The following ABCD3 variants were observed in gnomAD, a reference collection of about 807,000 sequenced individuals.
ABCD3 encodes ATP binding cassette subfamily D member 3, also known as ATP-binding cassette sub-family D member 3.
A neutral mutation model predicts 105.5 loss-of-function variants in ABCD3; 41 were observed. The ratio of observed to expected loss-of-function variants is 0.39; its 90% confidence interval spans 0.30 to 0.50. The LOEUF (loss-of-function observed/expected upper bound fraction) is 0.50. Ranked by LOEUF, ABCD3 falls within the 20% of genes least tolerant of loss-of-function variation. The pLI is 0.84. For synonymous variants in ABCD3, 258 were observed against 269.0 expected (o/e 0.96, Z 0.40); for missense variants, 622 against 806.3 (o/e 0.77, Z 2.77).
chr1:94,489,610 G>C, intron 13 of ABCD3, 115 bp from the exon 14 acceptor site: 1 of 760,338 alleles, frequency 1.3e-6, no homozygotes, highest in Non-Finnish European at 2.3e-6. Flanking sequence ...TGATGAGACT[G>C]TTAGGTTACT....
chr1:94,420,912 C>G (rs1480823850), intron 1 of ABCD3, among the ~76,000 whole-genome samples: 1 of 152,080 alleles, frequency 6.6e-6, no homozygotes, highest in Non-Finnish European at 1.5e-5. Context: ...TATATATTCC[C>G]TTAGAATTGG....
chr1:94,398,517 G>A, the ABCD3 span, among the ~76,000 whole-genome samples: 2 of 152,044 alleles, frequency 1.3e-5, no homozygotes, highest in Non-Finnish European at 1.5e-5. Flanking sequence ...AATTACTTAG[G>A]TCAGCTCCAC....
rs1162403932 is a variant in ABCD3, at chr1:94,469,490, A to C, written c.335+1483A>C. On this transcript the variant is annotated intron_variant, in intron 4 of 22. Transcript: ENST00000370214. The stretch of plus-strand genomic sequence containing the variant: ...AAATTGGCAGTTATTTGTGCACATT[A>C]GTTTTTTTTTTTTTTTTTTAAACCT... 2.0e-4 allele frequency among the ~76,000 whole-genome samples: 19 copies of C among 95,666 alleles called. No individual in the cohort carries two copies. The East Asian group carries it at 5.8e-3, about 29-fold the overall frequency. The allele number at this position is 95,666 out of a possible 152,430, so 62.8% of individuals were successfully genotyped here. A position where few individuals can be genotyped will look rare whatever the true frequency, so the allele number is the denominator to read the frequency against.
intron 1 of ABCD3, among the ~76,000 whole-genome samples, chr1:94,448,160 C>T (rs554107442): frequency 1.6e-4 from 24 of 152,014 alleles, no homozygotes; most frequent in African/African-American, 5.1e-4. Context: ...TACTAATTGA[C>T]GGACTCTAAC....
At chr1:94,416,215 T>C (rs562026557), upstream of ABCD3, among the ~76,000 whole-genome samples, 1 of 152,338 alleles carries the variant, frequency 6.6e-6, no homozygotes, top group South Asian at 2.1e-4. Context: ...TTCTAGCACT[T>C]TATTACTGAA....
the ABCD3 span, among the ~76,000 whole-genome samples, chr1:94,408,225 T>C: frequency 6.6e-6 from 1 of 152,150 alleles, no homozygotes; most frequent in Non-Finnish European, 1.5e-5. Context: ...ACAGAAAGCG[T>C]TGACTGAGCC....
chr1:94,395,553 C>T, the ABCD3 span, among the ~76,000 whole-genome samples: 1 of 152,144 alleles, frequency 6.6e-6, no homozygotes, highest in African/African-American at 2.4e-5. Context: ...CTTTTTCTGT[C>T]CTCCAATTTT....
rs375812783 is a variant in ABCD3, at chr1:94,464,165, C to T, written c.148-610C>T. On this transcript the variant is annotated intron_variant, in intron 2 of 22. Transcript: ENST00000370214. ...TTATTTTTTGTCTATGTTTCTCCCG[C>T]TAGAATGTGAGCTGCATAAGTGAAA... is the stretch of plus-strand genomic sequence containing the variant. Among the ~76,000 whole-genome samples, 20 of 152,110 alleles carry T rather than the reference C, an allele frequency of 1.3e-4. No individual in the cohort carries two copies. The South Asian group carries it at 1.7e-3, about 13-fold the overall frequency.
intron 21 of ABCD3, among the ~76,000 whole-genome samples, chr1:94,508,132 G>A (rs560189424): frequency 2.9e-3 from 434 of 152,030 alleles, no homozygotes; most frequent in African/African-American, 9.9e-3. Flanking sequence ...TAGGTCTAAC[G>A]TTTAAGTCTT....
intron 16 of ABCD3, among the ~76,000 whole-genome samples, chr1:94,495,591 A>G (rs1247349114): frequency 6.6e-6 from 1 of 152,198 alleles, no homozygotes; most frequent in African/African-American, 2.4e-5. Context: ...TAAAAGGATA[A>G]CTCAGGATTT....
chr1:94,418,868 G>C, intron 1 of ABCD3: 1 of 511,252 alleles, frequency 2.0e-6, no homozygotes, highest in Non-Finnish European at 3.5e-6. Flanking sequence ...CTCAGGCAGC[G>C]GCCTCCAGTT....
At chr1:94,485,498 C>T (rs755645113) in intron 10 of ABCD3, among the ~76,000 whole-genome samples, 22 of 152,152 alleles carry the variant, frequency 1.4e-4, no homozygotes, top group Non-Finnish European at 2.6e-4. Flanking sequence ...TGGTAGAATG[C>T]ATTTAAGGTA....
chr1:94,393,513 C>T, the ABCD3 span, among the ~76,000 whole-genome samples: 4 of 151,974 alleles, frequency 2.6e-5, no homozygotes, highest in Admixed American at 6.6e-5. Context: ...GTGGTGCATG[C>T]CTGTAATCTC....
intron 1 of ABCD3, among the ~76,000 whole-genome samples, chr1:94,450,684 G>T (rs970441481): frequency 3.3e-5 from 5 of 152,180 alleles, no homozygotes; most frequent in East Asian, 1.9e-4. Flanking sequence ...TGAAGGCTGT[G>T]AGACCCCTGA....
At chr1:94,440,282 T>C (rs543910721) in intron 1 of ABCD3, among the ~76,000 whole-genome samples, 2 of 152,384 alleles carry the variant, frequency 1.3e-5, no homozygotes, top group Admixed American at 1.3e-4. Context: ...TTTTCTAATT[T>C]ATGCTCTACA....
chr1:94,432,748 A>ACAAAGGT (rs1401888424), intron 1 of ABCD3: 1 of 152,264 alleles, frequency 6.6e-6, no homozygotes, highest in East Asian at 1.9e-4. Flanking sequence ...AAGGTTTTAT[A>ACAAAGGT]TTAAATTACA....
the ABCD3 span, among the ~76,000 whole-genome samples, chr1:94,404,605 G>A: frequency 6.6e-6 from 1 of 151,996 alleles, no homozygotes; most frequent in Admixed American, 6.6e-5. Flanking sequence ...CAAAAAGATA[G>A]TCTCAGAGAA....
intron 1 of ABCD3, among the ~76,000 whole-genome samples, chr1:94,429,824 C>T (rs1010338955): frequency 6.6e-6 from 1 of 152,214 alleles, no homozygotes; most frequent in Non-Finnish European, 1.5e-5. Flanking sequence ...GGAGCCCCCA[C>T]ACAGAATCCC....
intron 10 of ABCD3, among the ~76,000 whole-genome samples, chr1:94,486,264 T>C (rs1276922605): frequency 6.6e-6 from 1 of 152,184 alleles, no homozygotes; most frequent in Non-Finnish European, 1.5e-5. Context: ...CATCAGGGAC[T>C]TGAGCATCCA....
Sources: allele counts gnomAD v4.1 joint callset (sites outside exome capture counted in the v4.1 genomes callset), GRCh38; gene constraint gnomAD v4.1.1; transcripts MANE v1.5; gene names NCBI Gene and HGNC (gene_info 2026-07-23, HGNC 2026-07-21).